The following OTUD7B variants were observed in gnomAD, a reference collection of about 807,000 sequenced individuals.
The protein encoded by OTUD7B is OTU domain-containing protein 7B.
OTUD7B carries 34 observed loss-of-function variants against 82.2 expected under a neutral mutation model. That is an observed-to-expected ratio of 0.41 (90% CI 0.31 to 0.55). The LOEUF (loss-of-function observed/expected upper bound fraction) is 0.55. Among genes scored for constraint, OTUD7B ranks in the 20% least tolerant of loss-of-function variants. The pLI is 0.20. For synonymous variants in OTUD7B, 398 were observed against 402.7 expected (o/e 0.99, Z 0.14); for missense variants, 944 against 1,062.1 (o/e 0.89, Z 1.55).
At chr1:149,964,175 G>A in intron 6 of OTUD7B, 47 bp downstream of exon 6, 1 of 1,601,612 alleles carries the variant, frequency 6.2e-7, no homozygotes, top group Non-Finnish European at 8.5e-7. Flanking sequence ...GACTTTGGCA[G>A]CTTGGTAACT....
chr1:150,028,518 G>A, the OTUD7B span, among the ~76,000 whole-genome samples: 2 of 152,044 alleles, frequency 1.3e-5, no homozygotes, highest in African/African-American at 2.4e-5. Flanking sequence ...ATATTGTTGT[G>A]CAATCATGAC....
chr1:150,051,571 A>G, the OTUD7B span, among the ~76,000 whole-genome samples: 1 of 152,168 alleles, frequency 6.6e-6, no homozygotes, highest in Non-Finnish European at 1.5e-5. Flanking sequence ...TGCCCACTAA[A>G]AAGTAGGTTT....
intron 10 of OTUD7B, among the ~76,000 whole-genome samples, chr1:149,948,669 C>T (rs1647952696): frequency 6.6e-6 from 1 of 152,174 alleles, no homozygotes; most frequent in Non-Finnish European, 1.5e-5. Flanking sequence ...CATGCCCGGC[C>T]TGATTATCCT....
At chr1:150,053,584 C>T in the OTUD7B span, among the ~76,000 whole-genome samples, 1 of 151,758 alleles carries the variant, frequency 6.6e-6, no homozygotes, top group Non-Finnish European at 1.5e-5. Context: ...TTAGTAGAGA[C>T]GAGGTTTCTC....
chr1:150,061,545 T>C, the OTUD7B span, among the ~76,000 whole-genome samples: 1 of 152,198 alleles, frequency 6.6e-6, no homozygotes, highest in East Asian at 1.9e-4. Flanking sequence ...GTGAGAGTTC[T>C]CTAGGGCAAC....
the OTUD7B span, among the ~76,000 whole-genome samples, chr1:150,020,900 G>T: frequency 3.3e-5 from 5 of 152,118 alleles, no homozygotes; most frequent in Admixed American, 3.3e-4. Flanking sequence ...TCCAAACAGG[G>T]TGTGGATCTT....
intron 1 of OTUD7B, among the ~76,000 whole-genome samples, chr1:150,005,309 C>T (rs1652590644): frequency 6.6e-6 from 1 of 152,092 alleles, no homozygotes; most frequent in African/African-American, 2.4e-5. Context: ...CATAGTGGGT[C>T]ACTACAAATA....
chr1:149,967,306 A>G lies in OTUD7B; in HGVS notation c.490T>C (p.Leu164=), dbSNP rs782036581. ...AGCACTCACTGACCTGCCTGTTCCA[A>G]GGCAACCAGCATGGACTGCTCAATG... is the stretch of plus-strand genomic sequence containing the variant. The part of the protein sequence containing the change: ...DLIEQSMLVA[L]EQAGRLNWWV... The change falls in exon 4 of 12, where the codon TTG becomes CTG. Residue 164 remains leucine, a synonymous_variant. Coordinates refer to ENST00000581312, the MANE Select transcript of OTUD7B (RefSeq NM_020205.4). The G allele has an allele frequency of 6.2e-7, 1 of 1,612,642 alleles. No individual in the cohort carries two copies. Among genetic ancestry groups the G allele is most frequent in the African/African-American group, 1.3e-5 (1 of 74,886 alleles).
the OTUD7B span, among the ~76,000 whole-genome samples, chr1:150,039,226 T>C: frequency 1.3e-5 from 2 of 152,184 alleles, no homozygotes; most frequent in African/African-American, 4.8e-5. Context: ...TCTCTCTTCA[T>C]ATGTCAAGTT....
the OTUD7B span, among the ~76,000 whole-genome samples, chr1:150,036,109 C>T: frequency 6.6e-6 from 1 of 151,964 alleles, no homozygotes; most frequent in Non-Finnish European, 1.5e-5. Flanking sequence ...CGTGCCACCA[C>T]ACCTGGTTAA....
At chr1:150,052,533 G>A in the OTUD7B span, among the ~76,000 whole-genome samples, 1 of 152,136 alleles carries the variant, frequency 6.6e-6, no homozygotes, top group Non-Finnish European at 1.5e-5. Context: ...CAAACAAATG[G>A]AAAAACATCC....
the OTUD7B span, among the ~76,000 whole-genome samples, chr1:150,062,542 C>T: frequency 1.3e-5 from 2 of 152,088 alleles, no homozygotes; most frequent in Non-Finnish European, 2.9e-5. Flanking sequence ...CTAGGAATCT[C>T]TCTTAAACAA....
At chr1:149,953,689 G>T (rs1648444435) in intron 7 of OTUD7B, among the ~76,000 whole-genome samples, 1 of 152,188 alleles carries the variant, frequency 6.6e-6, no homozygotes, top group African/African-American at 2.4e-5. Context: ...AGCATGAAAT[G>T]TTCTTCCATT....
chr1:149,949,708 G>T lies in OTUD7B; in HGVS notation c.1044C>A (p.Ser348=). Residue 348 remains serine, a synonymous_variant, in exon 9 of 12, where the codon TCC becomes TCA. Coordinates refer to ENST00000581312, the MANE Select transcript of OTUD7B (RefSeq NM_020205.4). ...CCTGATCATAGGCGAGCACCAGAGG[G>T]GAGCGGTGACACTGGCTGGCTGGGA... is the stretch of plus-strand genomic sequence containing the variant. ...LEVPASQCHR[S]PLVLAYDQAH... 6 of 1,614,130 alleles carry T rather than the reference G, an allele frequency of 3.7e-6. No homozygotes were observed. The highest frequency in any genetic ancestry group is 5.1e-6 in the Non-Finnish European group (6 of 1,180,004).
chr1:150,046,714 G>A, the OTUD7B span, among the ~76,000 whole-genome samples: 15 of 149,884 alleles, frequency 1.0e-4, no homozygotes, highest in African/African-American at 2.7e-4. Context: ...CTCCCAAAGT[G>A]CTGGGATTAT....
the OTUD7B span, among the ~76,000 whole-genome samples, chr1:150,032,227 G>A: frequency 2.0e-5 from 3 of 151,562 alleles, no homozygotes; most frequent in Non-Finnish European, 4.4e-5. Flanking sequence ...CAGGAGAATC[G>A]CTTGAACCCG....
chr1:149,945,175 G>T, intron 11 of OTUD7B, 110 bp from the exon 12 acceptor site: 12 of 1,421,282 alleles, frequency 8.4e-6, no homozygotes, highest in African/African-American at 1.4e-5. Context: ...CTGCAGCCAT[G>T]GCTATAGAAA....
intron 7 of OTUD7B, among the ~76,000 whole-genome samples, chr1:149,958,775 CTCTT>C (rs1410707560): frequency 1.3e-5 from 2 of 151,634 alleles, no homozygotes; most frequent in African/African-American, 4.8e-5. Flanking sequence ...ACAGAGGTCT[CTCTT>C]TGTCACCCAG....
At chr1:150,044,747 A>C in the OTUD7B span, among the ~76,000 whole-genome samples, 1 of 151,814 alleles carries the variant, frequency 6.6e-6, no homozygotes, top group Non-Finnish European at 1.5e-5. Flanking sequence ...AATCACTTAC[A>C]ACAACCCAAC....
Sources: gnomAD v4.1 joint callset for allele counts (sites outside exome capture counted in the v4.1 genomes callset) on GRCh38, gnomAD v4.1.1 for gene constraint, MANE v1.5 for transcripts, NCBI Gene and HGNC (gene_info 2026-07-23, HGNC 2026-07-21) for gene names.